PRLR: variants seen among roughly 807,000 people sequenced by gnomAD.
The protein encoded by PRLR is prolactin receptor.
In PRLR, 13 loss-of-function variants were observed where a neutral mutation model predicts 40.2. The observed-to-expected ratio is 0.32, with a 90% CI of 0.21 to 0.51. The LOEUF is 0.51. Ranked by LOEUF, PRLR falls within the 20% of genes least tolerant of loss-of-function variation. The pLI, the probability that PRLR is intolerant of heterozygous loss-of-function variation, is 0.97. For synonymous variants in PRLR, 269 were observed against 278.7 expected (o/e 0.97, Z 0.35); for missense variants, 656 against 747.3 (o/e 0.88, Z 1.42).
chr5:35,090,256 T>C (rs988154900), intron 2 of PRLR, among the ~76,000 whole-genome samples: 4 of 152,156 alleles, frequency 2.6e-5, no homozygotes, highest in Non-Finnish European at 5.9e-5. Flanking sequence ...CTTTCTCCTG[T>C]TTGGAAAGCC....
At chr5:35,207,614 TTGTGTGTGTGTG>T (rs142502829) in intron 1 of PRLR, among the ~76,000 whole-genome samples, 2 of 146,886 alleles carry the variant, frequency 1.4e-5, no homozygotes, top group Non-Finnish European at 1.5e-5. Flanking sequence ...CAATGGGAGA[TTGTGTGTGTGTG>T]TGTGTGTGTG....
intron 1 of PRLR, among the ~76,000 whole-genome samples, chr5:35,203,361 G>C (rs1775929761): frequency 6.6e-6 from 1 of 152,172 alleles, no homozygotes; most frequent in Admixed American, 6.5e-5. Context: ...CAGATGTCTT[G>C]CTCAGCAGAA....
At chr5:35,193,722 G>A (rs553329686) in intron 1 of PRLR, among the ~76,000 whole-genome samples, 21 of 152,186 alleles carry the variant, frequency 1.4e-4, no homozygotes, top group African/African-American at 2.9e-4. Flanking sequence ...TGTTCTCTCC[G>A]AACATCTGGA....
In PRLR at chr5:35,212,815, T is replaced by C. The variant is rs573607346; in HGVS notation, c.-106+17453A>G. 5.6e-4 allele frequency among the ~76,000 whole-genome samples: 86 copies of C among 152,334 alleles called. 1 individual carries two copies. Among genetic ancestry groups the C allele is most frequent in the Non-Finnish European group, 9.3e-4 (63 of 68,026 alleles). ...CAGTTCAGGGTCAAGATCTAAATTT[T>C]GAGGCATCATAATTAAGCTCTTCAA... On this transcript the variant is annotated intron_variant, in intron 1 of 9. Coordinates refer to ENST00000618457, the MANE Select transcript of PRLR (RefSeq NM_000949.7).
At chr5:35,158,356 AAAG>A (rs1464603554) in intron 1 of PRLR, among the ~76,000 whole-genome samples, 2 of 152,170 alleles carry the variant, frequency 1.3e-5, no homozygotes, top group Non-Finnish European at 2.9e-5. Flanking sequence ...ATCAGGGAAT[AAAG>A]AAGGAATCCA....
intron 1 of PRLR, chr5:35,195,376 C>A (rs56060880): frequency 0.099 from 15,074 of 152,340 alleles, 965 homozygotes; most frequent in Non-Finnish European, 0.13. Context: ...TAAGTTAATA[C>A]GCTGTCTCCA....
chr5:35,218,192 G>C (rs1344977559), intron 1 of PRLR, among the ~76,000 whole-genome samples: 1 of 152,008 alleles, frequency 6.6e-6, no homozygotes, highest in African/African-American at 2.4e-5. Context: ...TGTTTTCTTT[G>C]CAGTTTTAAA....
At chr5:35,154,083 T>C (rs1256341728) in intron 1 of PRLR, among the ~76,000 whole-genome samples, 2 of 152,182 alleles carry the variant, frequency 1.3e-5, no homozygotes, top group African/African-American at 4.8e-5. Context: ...CTTACCAAAA[T>C]GGGATTCCAA....
chr5:35,055,402 C>T (rs1338272178), downstream of PRLR, among the ~76,000 whole-genome samples: 1 of 152,020 alleles, frequency 6.6e-6, no homozygotes. Flanking sequence ...TGAATAAAGA[C>T]TGGGGAAATG....
At chr5:35,218,165 C>T (rs541658607) in intron 1 of PRLR, among the ~76,000 whole-genome samples, 2 of 152,278 alleles carry the variant, frequency 1.3e-5, no homozygotes, top group South Asian at 4.1e-4. Context: ...TTTACTGCAA[C>T]TATATGTATG....
intron 1 of PRLR, among the ~76,000 whole-genome samples, chr5:35,158,957 C>A (rs1774591015): frequency 6.6e-6 from 1 of 152,108 alleles, no homozygotes; most frequent in Non-Finnish European, 1.5e-5. Flanking sequence ...GACTTTTGAG[C>A]TAATTATATT....
intron 2 of PRLR, among the ~76,000 whole-genome samples, chr5:35,091,053 C>T (rs887842836): frequency 2.0e-5 from 3 of 151,988 alleles, no homozygotes; most frequent in Admixed American, 6.6e-5. Flanking sequence ...AACTCGTGAT[C>T]CACCTGCCTC....
At chr5:35,129,385 T>G (rs1327062489) in intron 1 of PRLR, among the ~76,000 whole-genome samples, 1 of 152,194 alleles carries the variant, frequency 6.6e-6, no homozygotes, top group Non-Finnish European at 1.5e-5. Context: ...AGTCTTGTTC[T>G]CTGCTCAGAT....
At chr5:35,150,009 T>C (rs4703392) in intron 1 of PRLR, among the ~76,000 whole-genome samples, 120,427 of 152,114 alleles carry the variant, frequency 0.79, 50,345 homozygotes, top group Non-Finnish European at 0.92. Context: ...CCAGTGCGCC[T>C]GAGTAGCTGG....
downstream of PRLR, among the ~76,000 whole-genome samples, chr5:35,052,777 T>C (rs1768542735): frequency 1.3e-5 from 2 of 152,182 alleles, no homozygotes; most frequent in Admixed American, 1.3e-4. Context: ...GAGGCATTCC[T>C]ACACAGAGAG....
intron 1 of PRLR, among the ~76,000 whole-genome samples, chr5:35,138,379 A>G (rs1773919994): frequency 6.6e-6 from 1 of 152,248 alleles, no homozygotes; most frequent in Non-Finnish European, 1.5e-5. Context: ...AATTAAAGAA[A>G]ATGTCATCAT....
At chr5:35,089,398 C>T (rs1003942043) in intron 3 of PRLR, among the ~76,000 whole-genome samples, 153 bp downstream of exon 3, 12 of 152,174 alleles carry the variant, frequency 7.9e-5, no homozygotes, top group Non-Finnish European at 8.8e-5. Flanking sequence ...TCTGCATTAA[C>T]TTTAATGCAA....
At chr5:35,223,783 C>T (rs749218094) in intron 1 of PRLR, among the ~76,000 whole-genome samples, 1 of 152,238 alleles carries the variant, frequency 6.6e-6, no homozygotes, top group Non-Finnish European at 1.5e-5. Flanking sequence ...AGGAACTATG[C>T]TCCTCCAGAG....
rs114885349 is a variant in PRLR at position 35,181,912 on chromosome 5, A to C, written c.-106+48356T>G. Among the ~76,000 whole-genome samples, 1,129 of 152,302 alleles carry C rather than the reference A, an allele frequency of 7.4e-3. 12 individuals carry two copies. Among genetic ancestry groups the C allele is most frequent in the African/African-American group, 0.026 (1,098 of 41,562 alleles). ...TGTTTGGAGGTCTTCAACTGTTGTT[A>C]GGTAGAGTTGGCCAATTATCACACA... On this transcript the variant is annotated intron_variant, in intron 1 of 9. Coordinates refer to ENST00000618457, the MANE Select transcript of PRLR (RefSeq NM_000949.7).
Sources: gnomAD v4.1 joint callset for allele counts (sites outside exome capture counted in the v4.1 genomes callset) on GRCh38, gnomAD v4.1.1 for gene constraint, MANE v1.5 for transcripts, NCBI Gene and HGNC (gene_info 2026-07-23, HGNC 2026-07-21) for gene names.